LGALS8: variants seen among roughly 807,000 people sequenced by gnomAD.
LGALS8 encodes the protein galectin 8.
Under a neutral mutation model 35.9 loss-of-function variants are expected in LGALS8, and 30 were observed. The ratio of observed to expected loss-of-function variants is 0.83; its 90% CI spans 0.62 to 1.13. The LOEUF (loss-of-function observed/expected upper bound fraction) is 1.13, where lower values mean the gene tolerates loss of function less well. LGALS8 is among the 50% of genes most tolerant of loss of function. The pLI is 0.00. For synonymous variants in LGALS8, 138 were observed against 136.1 expected (o/e 1.01, Z -0.10); for missense variants, 366 against 388.7 (o/e 0.94, Z 0.49).
intron 4 of LGALS8, among the ~76,000 whole-genome samples, chr1:236,539,594 T>C (rs114849946): frequency 0.61 from 92,717 of 151,788 alleles, 29,215 homozygotes; most frequent in Non-Finnish European, 0.69. Flanking sequence ...ACCTAGCGTG[T>C]ATGTGTACGG....
At chr1:236,535,022 C>T (rs941057527) in intron 2 of LGALS8, among the ~76,000 whole-genome samples, 38 of 132,308 alleles carry the variant, frequency 2.9e-4, no homozygotes, top group African/African-American at 1.0e-3. Flanking sequence ...GATCACGCCA[C>T]TGCACTCTAG....
chr1:236,551,200 T>A lies in LGALS8; in HGVS notation c.*3039T>A. 1 of 526,212 alleles carries A rather than the reference T, an allele frequency of 1.9e-6. No individual in the cohort carries two copies. The highest frequency in any genetic ancestry group is 3.3e-6 in the Non-Finnish European group (1 of 300,328). 32.6% of individuals were successfully genotyped at this position (526,212 alleles called of 1,614,324 possible). A position where few individuals can be genotyped will look rare whatever the true frequency, so the allele number is the denominator to read the frequency against. ...TCATTCCTTGCCCACAGGCTTGCACTGGAAGCTGAATAAGAATCCCCAAAA... is the reference window on the plus strand; with the variant it reads ...TCATTCCTTGCCCACAGGCTTGCACAGGAAGCTGAATAAGAATCCCCAAAA... On this transcript the variant is annotated 3_prime_UTR_variant, in exon 10 of 10. Coordinates refer to ENST00000366584, the MANE Select transcript of LGALS8 (RefSeq NM_201544.4).
chr1:236,522,900 T>C (rs1045745773), upstream of LGALS8, among the ~76,000 whole-genome samples: 1 of 152,174 alleles, frequency 6.6e-6, no homozygotes, highest in Non-Finnish European at 1.5e-5. Flanking sequence ...GGACTTGTAA[T>C]GAATTCCTCA....
At chr1:236,532,825 CAAA>C (rs1260585790) in intron 2 of LGALS8, among the ~76,000 whole-genome samples, 1 of 151,316 alleles carries the variant, frequency 6.6e-6, no homozygotes, top group Admixed American at 6.6e-5. Flanking sequence ...GCCTGGGCAA[CAAA>C]AGTGAAACTC....
chr1:236,530,796 A>C (rs1317883365), intron 2 of LGALS8, among the ~76,000 whole-genome samples: 2 of 152,254 alleles, frequency 1.3e-5, no homozygotes, highest in African/African-American at 4.8e-5. Flanking sequence ...CTTTTAAAAA[A>C]ATTTAAAGAT....
intron 9 of LGALS8, among the ~76,000 whole-genome samples, chr1:236,545,411 T>C (rs1432297777): frequency 3.9e-5 from 6 of 152,202 alleles, no homozygotes; most frequent in Admixed American, 1.3e-4. Context: ...AGTCCCCAGA[T>C]AGGTGAATAT....
chr1:236,526,871 G>A lies in LGALS8; in HGVS notation c.45+756G>A, dbSNP rs1358090619. 6.6e-6 allele frequency among the ~76,000 whole-genome samples: 1 copy of A among 152,096 alleles called. No individual in the cohort carries two copies. Among genetic ancestry groups the A allele is most frequent in the African/African-American group, 2.4e-5 (1 of 41,418 alleles). ...AAACCAGTTTTGTTAGTGTGTGTGGGTTCAAGTTTTTGTCATTTACTTTAT... is the reference window on the plus strand; with the variant it reads ...AAACCAGTTTTGTTAGTGTGTGTGGATTCAAGTTTTTGTCATTTACTTTAT... On this transcript the variant is annotated intron_variant, in intron 2 of 9. Coordinates refer to ENST00000366584, the MANE Select transcript of LGALS8 (RefSeq NM_201544.4). The surrounding 1 kb of genome is among the most constrained non-coding windows in gnomAD (Gnocchi z 4.6).
In LGALS8 at chr1:236,538,925, G is replaced by A. The variant is rs370055161; in HGVS notation, c.181G>A (p.Asp61Asn). Residue 61 changes from aspartate (D) to asparagine (N), a missense_variant, in exon 4 of 10, where the codon GAT becomes AAT. Physicochemically the swap from Asp to Asn is conservative, Grantham distance 23. Coordinates refer to ENST00000366584, the MANE Select transcript of LGALS8 (RefSeq NM_201544.4). Reference sequence around the variant, plus strand: ...TGGCAGCAGCATGAAACCTCGAGCCGATGTGGCCTTTCATTTCAATCCTCG... The same window carrying A: ...TGGCAGCAGCATGAAACCTCGAGCCAATGTGGCCTTTCATTTCAATCCTCG... ...QNGSSMKPRA[D>N]VAFHFNPRFK... 6.8e-6 allele frequency: 11 copies of A among 1,613,560 alleles called. No individual in the cohort carries two copies. The highest frequency in any genetic ancestry group is 5.3e-5 in the African/African-American group (4 of 74,904).
chr1:236,543,195 CTG>C, intron 7 of LGALS8: 1 of 685,978 alleles, frequency 1.5e-6, no homozygotes, highest in East Asian at 2.7e-5. Context: ...AGGCCTGCCT[CTG>C]AGCCATTCCT....
chr1:236,538,817 T>G (rs2244809), intron 3 of LGALS8, 62 bp from the exon 4 acceptor site: 811,389 of 1,166,124 alleles, frequency 0.7, 284,647 homozygotes, highest in Non-Finnish European at 0.72. Context: ...TGCCTGCTGG[T>G]CCTTTACTGG....
intron 2 of LGALS8, among the ~76,000 whole-genome samples, chr1:236,531,740 C>G (rs145076284): frequency 1.5e-4 from 23 of 152,208 alleles, no homozygotes; most frequent in African/African-American, 5.3e-4. Context: ...ATATTATTGC[C>G]CTGGCCTGAC....
At chr1:236,540,210 C>T in intron 4 of LGALS8, 1 of 207,084 alleles carries the variant, frequency 4.8e-6, no homozygotes, top group Non-Finnish European at 9.5e-6. Flanking sequence ...GATCTTTAAC[C>T]TGGGTTCACA....
intron 9 of LGALS8, among the ~76,000 whole-genome samples, chr1:236,545,667 GGAATAGATAGCAATGTGACATT>G (rs1222766770): frequency 1.3e-5 from 2 of 152,150 alleles, no homozygotes; most frequent in Non-Finnish European, 2.9e-5. Flanking sequence ...AATATCAGGC[GGAATAGATAGCAATGTGACATT>G]CATATTTATC....
intron 3 of LGALS8, 126 bp downstream of exon 3, chr1:236,537,711 C>T (rs749953401): frequency 5.5e-6 from 4 of 731,058 alleles, no homozygotes; most frequent in Admixed American, 2.1e-5. Context: ...CATCAGCAGC[C>T]CTGGCCAAGG....
chr1:236,523,867 C>G, upstream of LGALS8: 1 of 350,070 alleles, frequency 2.9e-6, no homozygotes, highest in South Asian at 2.1e-5. Flanking sequence ...GCCAGGGACG[C>G]CCCAGACACA....
At position 236,552,798 on chromosome 1, in the gene LGALS8, C is replaced by G. The variant is rs1157521954; in HGVS notation, c.*4637C>G. ...CAGTACAAAGTGAATTATTAAAAAACCATTTGTAACTACCTAGATTCAATC... is the reference window on the plus strand; with the variant it reads ...CAGTACAAAGTGAATTATTAAAAAAGCATTTGTAACTACCTAGATTCAATC... On this transcript the variant is annotated 3_prime_UTR_variant, in exon 10 of 10. Coordinates refer to ENST00000366584, the MANE Select transcript of LGALS8 (RefSeq NM_201544.4). 1 of 152,146 alleles carries G rather than the reference C, an allele frequency of 6.6e-6. No individual in the cohort carries two copies. Among genetic ancestry groups the G allele is most frequent in the Admixed American group, 6.6e-5 (1 of 15,266 alleles). The allele number at this position is 152,146 out of a possible 1,614,324, so 9.4% of individuals were successfully genotyped here. A position where few individuals can be genotyped will look rare whatever the true frequency, so the allele number is the denominator to read the frequency against.
chr1:236,539,747 CG>C (rs1490431733), intron 4 of LGALS8, among the ~76,000 whole-genome samples: 3 of 152,196 alleles, frequency 2.0e-5, no homozygotes, highest in African/African-American at 7.2e-5. Flanking sequence ...TGCTCCTGCC[CG>C]AAAGTCTTTC....
chr1:236,521,550 C>T (rs1304735208), upstream of LGALS8, among the ~76,000 whole-genome samples: 4 of 152,160 alleles, frequency 2.6e-5, no homozygotes, highest in East Asian at 5.8e-4. Flanking sequence ...GACGGTTGGC[C>T]GGATGCAGTG....
At chr1:236,525,253 G>A (rs185251084) in intron 1 of LGALS8, among the ~76,000 whole-genome samples, 6 of 152,140 alleles carry the variant, frequency 3.9e-5, no homozygotes, top group Admixed American at 3.3e-4. Context: ...CTAACATAGC[G>A]CTTACTCTTT....
Sources: allele counts gnomAD v4.1 joint callset (sites outside exome capture counted in the v4.1 genomes callset), GRCh38; gene constraint gnomAD v4.1.1; non-coding constraint Gnocchi (gnomAD v3.1); transcripts MANE v1.5; gene names NCBI Gene and HGNC (gene_info 2026-07-23, HGNC 2026-07-21).